Variants in ARMC9 observed in about 807,000 individuals in gnomAD.
ARMC9 encodes the protein lisH domain-containing protein ARMC9.
Under a neutral mutation model 107.0 loss-of-function variants are expected in ARMC9, and 94 were observed. The observed-to-expected ratio is 0.88, with a 90% CI of 0.74 to 1.04. ARMC9 has a LOEUF of 1.04. Among genes scored for constraint, ARMC9 ranks in the 50% least tolerant of loss-of-function variants. The probability of loss-of-function intolerance (pLI) is 0.00; values close to 1 mark genes in which losing one functional copy is unlikely to be tolerated. For synonymous variants in ARMC9, 380 were observed against 396.9 expected, an observed-to-expected ratio of 0.96 and a Z score of 0.51; for missense variants, 942 against 1,030.1, an observed-to-expected ratio of 0.91 and a Z score of 1.17.
rs144435079 is a variant in ARMC9, at chr2:231,258,141, A to G, written c.915-850A>G. Reference sequence around the variant, plus strand: ...ATGCTGCTTCCTGACCACACCTTCTACCTCCTTGGAGGGCTAAGCCACCCA... The same window carrying G: ...ATGCTGCTTCCTGACCACACCTTCTGCCTCCTTGGAGGGCTAAGCCACCCA... On this transcript the variant is annotated intron_variant, in intron 10 of 24. Coordinates refer to ENST00000611582, the MANE Select transcript of ARMC9 (RefSeq NM_001352754.2). Among the ~76,000 whole-genome samples, 160 of 150,908 alleles carry G rather than the reference A, an allele frequency of 1.1e-3. 1 individual carries two copies. In the East Asian group the frequency reaches 0.024, roughly 23 times the overall value.
At chr2:231,248,699 C>T (rs1016354119) in intron 9 of ARMC9, among the ~76,000 whole-genome samples, 1 of 150,052 alleles carries the variant, frequency 6.7e-6, no homozygotes, top group Non-Finnish European at 1.5e-5. Context: ...CCTAGCTACT[C>T]AGGAGGCTGA....
chr2:231,265,078 CA>C (rs1277394271), intron 12 of ARMC9, among the ~76,000 whole-genome samples: 1 of 151,178 alleles, frequency 6.6e-6, no homozygotes, highest in African/African-American at 2.4e-5. Context: ...AGCCTGGCGA[CA>C]GAGTGAGACT....
chr2:231,212,159 T>A (rs1396240214), intron 3 of ARMC9, among the ~76,000 whole-genome samples: 1 of 152,254 alleles, frequency 6.6e-6, no homozygotes, highest in Non-Finnish European at 1.5e-5. Context: ...TGTTGTGAGA[T>A]ATAAGAAGCG....
At chr2:231,260,745 G>A (rs1008755722) in intron 11 of ARMC9, among the ~76,000 whole-genome samples, 2 of 152,098 alleles carry the variant, frequency 1.3e-5, no homozygotes, top group African/African-American at 2.4e-5. Context: ...TCTTTTATGC[G>A]GCTCTTGGTT....
At chr2:231,339,314 G>A (rs971792348) in intron 20 of ARMC9, among the ~76,000 whole-genome samples, 1 of 149,876 alleles carries the variant, frequency 6.7e-6, no homozygotes. Flanking sequence ...GGGCGACAGA[G>A]CAAGACTCTG....
intron 17 of ARMC9, among the ~76,000 whole-genome samples, chr2:231,287,681 AATCATGTCATGTAATCATGTC>A (rs1227193759): frequency 6.6e-6 from 1 of 152,084 alleles, no homozygotes; most frequent in Non-Finnish European, 1.5e-5. Context: ...CATGTCATGC[AATCATGTCATGTAATCATGTC>A]ATGTAATCAT....
chr2:231,243,585 AC>A (rs1418486722), intron 9 of ARMC9, among the ~76,000 whole-genome samples: 16 of 152,186 alleles, frequency 1.1e-4, no homozygotes, highest in Non-Finnish European at 1.9e-4. Context: ...ACCACTGGAA[AC>A]CAGAGGAGGG....
chr2:231,284,801 A>G (rs1559404863), intron 17 of ARMC9, among the ~76,000 whole-genome samples: 1 of 152,008 alleles, frequency 6.6e-6, no homozygotes, highest in Non-Finnish European at 1.5e-5. Context: ...GCTGCCACAC[A>G]CTCCTAAGTA....
At chr2:231,223,458 C>G (rs1254782605) in intron 6 of ARMC9, among the ~76,000 whole-genome samples, 5 of 152,142 alleles carry the variant, frequency 3.3e-5, no homozygotes, top group Admixed American at 2.0e-4. Flanking sequence ...CCATGGAAGA[C>G]TAATTTCCCA....
In ARMC9 at chr2:231,367,844, G is replaced by A. The variant is rs187399051; in HGVS notation, c.2262-2109G>A. Among the ~76,000 whole-genome samples, 29 of 151,874 alleles carry A rather than the reference G, an allele frequency of 1.9e-4. No individual in the cohort carries two copies. In the East Asian group the frequency reaches 4.8e-3, roughly 25 times the overall value. ...CTAAAAATACAAAAATTAGCCGGGCGTGGTGGCGGGCGCCTGTAATTGCAG... is the reference window on the plus strand; with the variant it reads ...CTAAAAATACAAAAATTAGCCGGGCATGGTGGCGGGCGCCTGTAATTGCAG... On this transcript the variant is annotated intron_variant, in intron 23 of 24. Transcript: ENST00000611582.
intron 18 of ARMC9, chr2:231,294,464 G>A (rs2041225914): frequency 6.6e-6 from 1 of 152,368 alleles, no homozygotes; most frequent in South Asian, 2.1e-4. Flanking sequence ...GGCACCTCAT[G>A]GAGTGTGGAC....
intron 1 of ARMC9, among the ~76,000 whole-genome samples, chr2:231,201,832 AT>A (rs1407866730): frequency 6.6e-6 from 1 of 152,218 alleles, no homozygotes. Flanking sequence ...GTGCAGACTG[AT>A]TCCATTTTAG....
In ARMC9 at chr2:231,276,791, C is replaced by CTCAT; in HGVS notation, c.1474+19_1474+22dup. On this transcript the variant is annotated intron_variant, in intron 15 of 24. Coordinates refer to ENST00000611582, the MANE Select transcript of ARMC9 (RefSeq NM_001352754.2). ...CGCAGCACAGGTCTCAGCCCCGACC[C>CTCAT]TCATTCTAGTGCAAGAAGGGGAAGA... is the stretch of plus-strand genomic sequence containing the variant. The CTCAT allele has an allele frequency of 6.2e-7, 1 of 1,613,244 alleles. No homozygotes were observed. Among genetic ancestry groups the CTCAT allele is most frequent in the Non-Finnish European group, 8.5e-7 (1 of 1,179,596 alleles).
chr2:231,210,443 A>G (rs2032662780), intron 3 of ARMC9, among the ~76,000 whole-genome samples: 1 of 152,206 alleles, frequency 6.6e-6, no homozygotes, highest in Non-Finnish European at 1.5e-5. Context: ...TTCTTTCTGG[A>G]TGAAGAAAGA....
intron 16 of ARMC9, among the ~76,000 whole-genome samples, chr2:231,281,336 A>C (rs1434701870): frequency 6.6e-6 from 1 of 152,142 alleles, no homozygotes; most frequent in Non-Finnish European, 1.5e-5. Flanking sequence ...GAACTGCCAG[A>C]ACCTGGCTGA....
intron 10 of ARMC9, among the ~76,000 whole-genome samples, 197 bp downstream of exon 10, chr2:231,256,817 T>C (rs141514395): frequency 0.011 from 1,601 of 152,254 alleles, 25 homozygotes; most frequent in African/African-American, 0.035. Flanking sequence ...ATTGCCTGTG[T>C]GGTTTTTTTG....
intron 21 of ARMC9, among the ~76,000 whole-genome samples, chr2:231,350,946 C>CTTTTTTTT (rs770225857): frequency 1.4e-4 from 7 of 50,600 alleles, no homozygotes; most frequent in African/African-American, 4.0e-4. Flanking sequence ...AGTGACAATT[C>CTTTTTTTT]TTTTTTTTTT....
intron 23 of ARMC9, among the ~76,000 whole-genome samples, chr2:231,361,983 G>A (rs929462719): frequency 9.8e-5 from 15 of 152,294 alleles, no homozygotes; most frequent in Admixed American, 7.2e-4. Context: ...AGCCGAAATC[G>A]GAACTGTGGG....
intron 11 of ARMC9, among the ~76,000 whole-genome samples, chr2:231,259,465 C>T (rs186705454): frequency 9.9e-5 from 15 of 152,280 alleles, no homozygotes; most frequent in Non-Finnish European, 1.9e-4. Context: ...CATGCAGCCA[C>T]GCTGGACAGG....
Sources: gnomAD v4.1 joint callset for allele counts (sites outside exome capture counted in the v4.1 genomes callset) on GRCh38, gnomAD v4.1.1 for gene constraint, MANE v1.5 for transcripts, NCBI Gene and HGNC (gene_info 2026-07-23, HGNC 2026-07-21) for gene names.